FARS2: variants seen among roughly 807,000 people sequenced by gnomAD.
FARS2 encodes phenylalanine--tRNA ligase, mitochondrial.
A neutral mutation model predicts 46.4 loss-of-function variants in FARS2; 40 were observed. That is an observed-to-expected ratio of 0.86 (90% CI 0.67 to 1.12). FARS2 has a LOEUF of 1.12. Among genes scored for constraint, FARS2 ranks in the 50% most tolerant of loss-of-function variants. The pLI is 0.00. For synonymous variants in FARS2, 234 were observed against 214.9 expected (o/e 1.09, Z -0.78); for missense variants, 513 against 567.9 (o/e 0.90, Z 0.98).
intron 5 of FARS2, among the ~76,000 whole-genome samples, chr6:5,603,246 C>T (rs552603407): frequency 7.0e-4 from 106 of 152,186 alleles, no homozygotes; most frequent in Non-Finnish European, 1.2e-3. Flanking sequence ...CAGGCATGGA[C>T]CACCAAGCCC....
chr6:5,505,313 C>T (rs1768038180), intron 4 of FARS2, among the ~76,000 whole-genome samples: 1 of 152,102 alleles, frequency 6.6e-6, no homozygotes, highest in East Asian at 1.9e-4. Context: ...CCTGTTGTGC[C>T]TTAGTGGTTT....
chr6:5,279,374 C>CAAAA lies in FARS2; in HGVS notation c.-22+17724_-22+17727dup, dbSNP rs34624808. On this transcript the variant is annotated intron_variant, in intron 1 of 6. Transcript: ENST00000274680. ...TAGGTGACAGAGCAAGACTCCCTCT[C>CAAAA]AAAAAAAAAAAAAGAAAAAGAAAAA... 2.9e-3 allele frequency among the ~76,000 whole-genome samples: 286 copies of CAAAA among 100,348 alleles called. 4 individuals carry two copies. Among genetic ancestry groups the CAAAA allele is most frequent in the African/African-American group, 0.012 (268 of 23,222 alleles). 65.8% of individuals were successfully genotyped at this position (100,348 alleles called of 152,430 possible). A position where few individuals can be genotyped will look rare whatever the true frequency, so the allele number is the denominator to read the frequency against.
intron 6 of FARS2, among the ~76,000 whole-genome samples, chr6:5,739,966 T>A (rs191754540): frequency 6.6e-6 from 1 of 152,314 alleles, no homozygotes; most frequent in African/African-American, 2.4e-5. Context: ...GACCCAATTA[T>A]ACAGACAAAG....
chr6:5,313,355 A>G (rs1025716009), intron 1 of FARS2, among the ~76,000 whole-genome samples: 1 of 152,126 alleles, frequency 6.6e-6, no homozygotes, highest in African/African-American at 2.4e-5. Context: ...CTGGCTTTAT[A>G]GTTTACTCTT....
intron 2 of FARS2, among the ~76,000 whole-genome samples, chr6:5,381,989 G>A (rs1759825551): frequency 2.0e-5 from 3 of 152,236 alleles, no homozygotes; most frequent in Admixed American, 2.0e-4. Context: ...GAGGCGGACA[G>A]ATAGCCAAAG....
chr6:5,474,529 A>G (rs891201195), intron 4 of FARS2, among the ~76,000 whole-genome samples: 3 of 152,126 alleles, frequency 2.0e-5, no homozygotes, highest in Non-Finnish European at 4.4e-5. Context: ...GCTGTATGGT[A>G]TGGTCTGTTG....
At chr6:5,707,208 C>T (rs1486963825) in intron 6 of FARS2, among the ~76,000 whole-genome samples, 1 of 152,184 alleles carries the variant, frequency 6.6e-6, no homozygotes, top group African/African-American at 2.4e-5. Flanking sequence ...CAGCATGGAC[C>T]TACCCCAAGC....
At chr6:5,678,130 A>T (rs1778856959) in intron 6 of FARS2, among the ~76,000 whole-genome samples, 1 of 152,162 alleles carries the variant, frequency 6.6e-6, no homozygotes, top group South Asian at 2.1e-4. Flanking sequence ...CTCATGAGGG[A>T]AGCCAACACA....
chr6:5,674,576 G>A lies in FARS2; in HGVS notation c.1217+61256G>A, dbSNP rs556032434. Reference sequence around the variant, plus strand: ...TGATTTGCTATTTGTATTTTATATCGTATTACATTTGCAAAATGTTTGTGG... The same window carrying A: ...TGATTTGCTATTTGTATTTTATATCATATTACATTTGCAAAATGTTTGTGG... On this transcript the variant is annotated intron_variant, in intron 6 of 6. Transcript: ENST00000274680. Among the ~76,000 whole-genome samples, 9 of 152,228 alleles carry A rather than the reference G, an allele frequency of 5.9e-5. No individual in the cohort carries two copies. In the East Asian group the frequency reaches 1.2e-3, roughly 20 times the overall value.
intron 1 of FARS2, among the ~76,000 whole-genome samples, chr6:5,350,481 CAG>C (rs1757508726): frequency 6.6e-6 from 1 of 152,132 alleles, no homozygotes; most frequent in African/African-American, 2.4e-5. Context: ...AGGTTAGACA[CAG>C]AGATCAGTGG....
At position 5,325,043 on chromosome 6, in the gene FARS2, A is replaced by G. The variant is rs192604903; in HGVS notation, c.-21-43507A>G. ...TTGAGAAATTTCACCATTTATCAAAAAAGGCTTTCAGTGTTTAAAACCTTC... is the reference window on the plus strand; with the variant it reads ...TTGAGAAATTTCACCATTTATCAAAGAAGGCTTTCAGTGTTTAAAACCTTC... On this transcript the variant is annotated intron_variant, in intron 1 of 6. Transcript: ENST00000274680. Among the ~76,000 whole-genome samples the G allele has an allele frequency of 3.9e-5, 6 of 152,338 alleles. No homozygotes were observed. In the East Asian group the frequency reaches 1.2e-3, roughly 29 times the overall value.
chr6:5,532,210 GT>G (rs2150459007), intron 4 of FARS2, among the ~76,000 whole-genome samples: 1 of 152,350 alleles, frequency 6.6e-6, no homozygotes, highest in African/African-American at 2.4e-5. Flanking sequence ...ACTTCCTGAT[GT>G]TTTGAAATAC....
At chr6:5,482,064 T>C (rs577766047) in intron 4 of FARS2, among the ~76,000 whole-genome samples, 1 of 152,186 alleles carries the variant, frequency 6.6e-6, no homozygotes, top group Non-Finnish European at 1.5e-5. Context: ...GCTTCCTCTT[T>C]CTTAGAAACC....
At position 5,279,679 on chromosome 6, in the gene FARS2, G is replaced by A. The variant is rs563713092; in HGVS notation, c.-22+18019G>A. Among the ~76,000 whole-genome samples, 11 of 151,862 alleles carry A rather than the reference G, an allele frequency of 7.2e-5. No individual in the cohort carries two copies. In the South Asian group the frequency reaches 1.0e-3, roughly 14 times the overall value. ...ATGGCATAAGTTTCAGTTCAGTACC[G>A]AAGACCTGAGAACCAGGAGAGTGGA... On this transcript the variant is annotated intron_variant, in intron 1 of 6. Transcript: ENST00000274680.
At chr6:5,397,662 T>C (rs1454974270) in intron 2 of FARS2, among the ~76,000 whole-genome samples, 1 of 152,210 alleles carries the variant, frequency 6.6e-6, no homozygotes, top group African/African-American at 2.4e-5. Flanking sequence ...AAGAACTAAA[T>C]AGAACATGTA....
intron 4 of FARS2, among the ~76,000 whole-genome samples, chr6:5,499,491 A>G (rs1767666815): frequency 6.6e-6 from 1 of 152,216 alleles, no homozygotes; most frequent in African/African-American, 2.4e-5. Flanking sequence ...CAGATTTAGC[A>G]CTGCTTGGGT....
chr6:5,412,100 G>T (rs1761969421), intron 3 of FARS2, among the ~76,000 whole-genome samples: 1 of 152,158 alleles, frequency 6.6e-6, no homozygotes, highest in Admixed American at 6.5e-5. Flanking sequence ...GTCATGTCTT[G>T]TCTTTGCTTG....
intron 6 of FARS2, among the ~76,000 whole-genome samples, chr6:5,733,876 C>T (rs756629752): frequency 6.6e-6 from 1 of 152,168 alleles, no homozygotes; most frequent in East Asian, 1.9e-4. Context: ...CTCTGGACTT[C>T]GTTTTCTTAC....
intron 6 of FARS2, among the ~76,000 whole-genome samples, chr6:5,686,664 C>G (rs1309542219): frequency 6.6e-6 from 1 of 152,192 alleles, no homozygotes; most frequent in Non-Finnish European, 1.5e-5. Context: ...AATAAACATA[C>G]ATGTGCATGT....
Sources: gnomAD v4.1 joint callset for allele counts (sites outside exome capture counted in the v4.1 genomes callset) on GRCh38, gnomAD v4.1.1 for gene constraint, MANE v1.5 for transcripts, NCBI Gene and HGNC (gene_info 2026-07-23, HGNC 2026-07-21) for gene names.